MGST1: variants seen among roughly 807,000 people sequenced by gnomAD.
The protein encoded by MGST1 is glutathione S-transferase 12.
Under a neutral mutation model 8.9 loss-of-function variants are expected in MGST1, and 5 were observed. That is an observed-to-expected ratio of 0.56 (90% CI 0.29 to 1.19). The LOEUF (loss-of-function observed/expected upper bound fraction) is 1.19. Ranked by LOEUF, MGST1 falls within the 50% of genes most tolerant of loss-of-function variation. The pLI is 0.08. For synonymous variants in MGST1, 54 were observed against 67.8 expected (o/e 0.80, Z 1.00); for missense variants, 182 against 187.4 (o/e 0.97, Z 0.17).
At chr12:16,375,202 A>G (rs1275400541) in intron 3 of MGST1, among the ~76,000 whole-genome samples, 1 of 152,212 alleles carries the variant, frequency 6.6e-6, no homozygotes. Context: ...TTTAAAATCA[A>G]TGAAAAGACA....
chr12:16,385,480 C>T (rs765107197), intron 1 of MGST1, among the ~76,000 whole-genome samples: 3 of 152,140 alleles, frequency 2.0e-5, no homozygotes, highest in Non-Finnish European at 4.4e-5. Context: ...TGGCAAAAAT[C>T]AGTGGTTATA....
At chr12:16,479,832 G>A (rs1941353158) in intron 4 of MGST1, among the ~76,000 whole-genome samples, 2 of 152,314 alleles carry the variant, frequency 1.3e-5, no homozygotes, top group East Asian at 1.9e-4. Flanking sequence ...CACTGCACCT[G>A]TATCTTTTAG....
chr12:16,409,055 A>G (rs757105185), intron 1 of MGST1, among the ~76,000 whole-genome samples: 5 of 152,100 alleles, frequency 3.3e-5, no homozygotes, highest in Non-Finnish European at 7.4e-5. Context: ...AAACCATTAT[A>G]TGTTAAATCT....
rs2137319471 is a variant in MGST1, at chr12:16,559,165, C to A, written n.483-30363C>A. Among the ~76,000 whole-genome samples, 1 of 152,228 alleles carries A rather than the reference C, an allele frequency of 6.6e-6. No individual in the cohort carries two copies. The highest frequency in any genetic ancestry group is 1.9e-4 in the East Asian group (1 of 5,184). On this transcript the variant is annotated intron_variant and non_coding_transcript_variant, in intron 4 of 4. Transcript: ENST00000538857. The surrounding 1 kb of genome is among the most constrained non-coding windows in gnomAD (Gnocchi z 4.1). ...TTGATTATATACTCTGCCAGGTGTT[C>A]TCACAGAAAGTCAGTGAATTCATTT...
At chr12:16,423,431 C>CA (rs1039313727) in intron 1 of MGST1, among the ~76,000 whole-genome samples, 70 of 143,078 alleles carry the variant, frequency 4.9e-4, no homozygotes, top group Admixed American at 9.0e-4. Flanking sequence ...AACCTATGTA[C>CA]AAAAAAAATT....
intron 1 of MGST1, among the ~76,000 whole-genome samples, chr12:16,390,599 C>A (rs184335794): frequency 6.6e-6 from 1 of 152,278 alleles, no homozygotes; most frequent in Non-Finnish European, 1.5e-5. Context: ...GCTTCCAGCT[C>A]CATCCATGTT....
At chr12:16,504,773 A>T (rs918159598) in intron 4 of MGST1, among the ~76,000 whole-genome samples, 1 of 152,198 alleles carries the variant, frequency 6.6e-6, no homozygotes, top group Non-Finnish European at 1.5e-5. Context: ...TTACAAATAC[A>T]TTCAAGTTCT....
At chr12:16,542,647 T>G (rs1941799388) in intron 4 of MGST1, among the ~76,000 whole-genome samples, 2 of 152,240 alleles carry the variant, frequency 1.3e-5, no homozygotes, top group Non-Finnish European at 2.9e-5. Context: ...CTTTTCATTC[T>G]GTAATGGCTA....
chr12:16,427,684 C>T (rs565365222), intron 1 of MGST1, among the ~76,000 whole-genome samples: 26 of 152,292 alleles, frequency 1.7e-4, no homozygotes, highest in Admixed American at 8.5e-4. Flanking sequence ...GCCTGGCCTA[C>T]ATTTTTTCTT....
exon 2 of MGST1, chr12:16,438,733 A>C (rs910025532): frequency 2.6e-5 from 4 of 151,842 alleles, no homozygotes; most frequent in Non-Finnish European, 5.9e-5. Context: ...ATTTCACTAT[A>C]AACTCGATTT....
chr12:16,584,504 C>T lies in MGST1; in HGVS notation n.483-5024C>T, dbSNP rs1033247538. Among the ~76,000 whole-genome samples the T allele has an allele frequency of 2.6e-5, 4 of 151,996 alleles. No homozygotes were observed. Among genetic ancestry groups the T allele is most frequent in the Non-Finnish European group, 4.4e-5 (3 of 67,992 alleles). ...ACCCAGTGGAAAAGTGTTGAGTGAA[C>T]GTAACAGCAGAAATATACAGAGAAT... On this transcript the variant is annotated intron_variant and non_coding_transcript_variant, in intron 4 of 4. Coordinates refer to the MGST1 transcript ENST00000538857. The surrounding 1 kb of genome is among the most constrained non-coding windows in gnomAD (Gnocchi z 5.2).
At chr12:16,360,752 C>A (rs907593694) in intron 3 of MGST1, among the ~76,000 whole-genome samples, 11 of 152,158 alleles carry the variant, frequency 7.2e-5, no homozygotes, top group Non-Finnish European at 1.2e-4. Flanking sequence ...TAGAGAATAA[C>A]CCTTCACTGA....
At chr12:16,456,162 A>T (rs1014052312) in intron 4 of MGST1, among the ~76,000 whole-genome samples, 8 of 151,900 alleles carry the variant, frequency 5.3e-5, no homozygotes, top group Admixed American at 5.3e-4. Flanking sequence ...TAAAAAAATT[A>T]AAAACCTGCT....
At chr12:16,423,688 C>T (rs778311763) in intron 1 of MGST1, among the ~76,000 whole-genome samples, 36 of 152,158 alleles carry the variant, frequency 2.4e-4, no homozygotes, top group Non-Finnish European at 4.7e-4. Flanking sequence ...TTTTGTTACT[C>T]AGCATACATA....
intron 1 of MGST1, among the ~76,000 whole-genome samples, chr12:16,415,357 C>T (rs1405266864): frequency 6.8e-6 from 1 of 147,926 alleles, no homozygotes; most frequent in African/African-American, 2.5e-5. Context: ...CATCTGATTT[C>T]CATGGCCATG....
At chr12:16,382,182 G>A (rs1940462921), downstream of MGST1, among the ~76,000 whole-genome samples, 1 of 152,184 alleles carries the variant, frequency 6.6e-6, no homozygotes, top group Non-Finnish European at 1.5e-5. Flanking sequence ...TGCTGGTGAG[G>A]AGCTGCATTC....
chr12:16,467,710 A>C lies in MGST1; in HGVS notation n.482+84106A>C, dbSNP rs1278594388. On this transcript the variant is annotated intron_variant and non_coding_transcript_variant, in intron 4 of 4. Transcript: ENST00000538857. ...TGACTTTACTTAATTATTTTCAACA[A>C]GCACTTTTCCGGAGTATCCACCAGT... is the stretch of plus-strand genomic sequence containing the variant. 3.9e-5 allele frequency among the ~76,000 whole-genome samples: 6 copies of C among 152,240 alleles called. No homozygotes were observed. The South Asian group carries it at 1.2e-3, about 31-fold the overall frequency.
At chr12:16,355,655 CCT>C (rs1475812055) in intron 2 of MGST1, among the ~76,000 whole-genome samples, 4 of 152,102 alleles carry the variant, frequency 2.6e-5, no homozygotes, top group Non-Finnish European at 4.4e-5. Context: ...GGAAATGTAC[CCT>C]GTCTTAAAAG....
In MGST1 at chr12:16,530,932, T is replaced by C. The variant is rs1347373751; in HGVS notation, n.483-58596T>C. On this transcript the variant is annotated intron_variant and non_coding_transcript_variant, in intron 4 of 4. Transcript: ENST00000538857. Reference sequence around the variant, plus strand: ...AATAAATTTCGTGTGCTAGCAACAGTGAAGACTTGGGAAGTGAATAAAGAA... The same window carrying C: ...AATAAATTTCGTGTGCTAGCAACAGCGAAGACTTGGGAAGTGAATAAAGAA... Among the ~76,000 whole-genome samples the C allele has an allele frequency of 2.0e-5, 3 of 152,168 alleles. No individual in the cohort carries two copies. In the East Asian group the frequency reaches 5.8e-4, roughly 29 times the overall value.
Sources: gnomAD v4.1 joint callset for allele counts (sites outside exome capture counted in the v4.1 genomes callset) on GRCh38, gnomAD v4.1.1 for gene constraint, Gnocchi (gnomAD v3.1) non-coding constraint, MANE v1.5 for transcripts, NCBI Gene and HGNC (gene_info 2026-07-23, HGNC 2026-07-21) for gene names.